The following PAH variants were observed in gnomAD, a reference collection of about 807,000 sequenced individuals.
PAH encodes phenylalanine-4-hydroxylase.
PAH carries 64 observed loss-of-function variants against 62.0 expected under a neutral mutation model. That is an observed-to-expected ratio of 1.03 (90% CI 0.84 to 1.27). The LOEUF is 1.27. Among genes scored for constraint, PAH ranks in the 50% most tolerant of loss-of-function variants. The probability of loss-of-function intolerance (pLI) is 0.00; values close to 1 mark genes in which losing one functional copy is unlikely to be tolerated. For missense variants in PAH, 579 were observed against 542.8 expected, an observed-to-expected ratio of 1.07 and a Z score of -0.66; for synonymous variants, 195 against 196.2, an observed-to-expected ratio of 0.99 and a Z score of 0.05.
intron 1 of PAH, among the ~76,000 whole-genome samples, chr12:102,928,785 C>T (rs1421141073): frequency 6.6e-6 from 1 of 152,116 alleles, no homozygotes; most frequent in Non-Finnish European, 1.5e-5. Context: ...TGGCTGAGGT[C>T]TAGGGCTAAG....
intron 5 of PAH, among the ~76,000 whole-genome samples, chr12:102,860,564 C>A (rs2691046): frequency 0.32 from 47,947 of 152,042 alleles, 8,060 homozygotes; most frequent in Non-Finnish European, 0.38. Flanking sequence ...GGAGGCATCA[C>A]ACTACCTGCC....
chr12:102,893,153 A>C (rs981468874), intron 3 of PAH, among the ~76,000 whole-genome samples: 2 of 152,120 alleles, frequency 1.3e-5, no homozygotes, highest in African/African-American at 4.8e-5. Context: ...TAATCCCAAC[A>C]CTTTGGGAGG....
At chr12:102,953,246 T>C (rs1036000674), upstream of PAH, 4 of 152,252 alleles carry the variant, frequency 2.6e-5, no homozygotes, top group Non-Finnish European at 5.9e-5. Flanking sequence ...CCAAGACTTG[T>C]GTTCATCTTT....
chr12:102,943,061 A>T (rs925131258), intron 1 of PAH, among the ~76,000 whole-genome samples: 1 of 152,154 alleles, frequency 6.6e-6, no homozygotes, highest in Non-Finnish European at 1.5e-5. Context: ...ACAAAAAGAA[A>T]AATTGACAAG....
chr12:102,893,816 C>A (rs939700843), intron 3 of PAH, among the ~76,000 whole-genome samples: 1 of 152,182 alleles, frequency 6.6e-6, no homozygotes, highest in African/African-American at 2.4e-5. Context: ...TGGGACAATG[C>A]AAGTTTTGAC....
intron 1 of PAH, among the ~76,000 whole-genome samples, chr12:102,928,171 G>A (rs1276565178): frequency 6.6e-6 from 1 of 152,030 alleles, no homozygotes; most frequent in Non-Finnish European, 1.5e-5. Context: ...TAATATATGT[G>A]GGTACATAGT....
chr12:102,852,083 C>A (rs74365322), intron 7 of PAH: 4,590 of 333,570 alleles, frequency 0.014, 92 homozygotes, highest in African/African-American at 0.056. Context: ...AGCTATGAGT[C>A]ATGAACACTT....
Position 102,867,910 on chromosome 12 carries a change from CAT to C in PAH, c.442-1249_442-1248del, listed in dbSNP as rs1565854243. On this transcript the variant is annotated intron_variant, in intron 4 of 12. Coordinates refer to ENST00000553106, the MANE Select transcript of PAH (RefSeq NM_000277.3). ...ATATACATATATAGATGTATATATA[CAT>C]GTATATACATATATAGATGTATATA... Among the ~76,000 whole-genome samples, 77 of 137,392 alleles carry C rather than the reference CAT, an allele frequency of 5.6e-4. 4 individuals carry two copies. Among genetic ancestry groups the C allele is most frequent in the African/African-American group, 1.8e-3 (68 of 38,346 alleles). 90.1% of individuals were successfully genotyped at this position (137,392 alleles called of 152,430 possible).
At chr12:102,954,127 C>T (rs983816100), upstream of PAH, among the ~76,000 whole-genome samples, 5 of 152,242 alleles carry the variant, frequency 3.3e-5, no homozygotes, top group African/African-American at 1.2e-4. Context: ...GAAAGCAGGG[C>T]CCAGTGGCTC....
chr12:102,934,736 T>G (rs911424523), intron 1 of PAH, among the ~76,000 whole-genome samples: 1 of 152,152 alleles, frequency 6.6e-6, no homozygotes, highest in African/African-American at 2.4e-5. Context: ...TGCTGGCATA[T>G]AGAAATGCTA....
chr12:102,921,707 C>T (rs977459849), upstream of PAH, among the ~76,000 whole-genome samples: 3 of 152,132 alleles, frequency 2.0e-5, no homozygotes, highest in Non-Finnish European at 4.4e-5. Flanking sequence ...TTGGGGATTT[C>T]TTAGAGGCTT....
Position 102,894,782 on chromosome 12 carries a change from A to G in PAH, c.305T>C (p.Ile102Thr), listed in dbSNP as rs62508591. ...TGAAAGCTCATGGACAGTGGCACCA[A>G]TGTCATGCCTCAAGATCTTGATGAT... ...TNIIKILRHD[I>T]GATVHELSRD... The change falls in exon 3 of 13, where the codon ATT (isoleucine) becomes ACT (threonine). Residue 102 changes from isoleucine (I) to threonine (T), a missense_variant. Physicochemically the swap from Ile to Thr is moderately conservative, Grantham distance 89 (BLOSUM62 -1). Coordinates refer to ENST00000553106, the MANE Select transcript of PAH (RefSeq NM_000277.3). 6.2e-7 allele frequency: 1 copy of G among 1,614,152 alleles called. No individual in the cohort carries two copies. Among genetic ancestry groups the G allele is most frequent in the Middle Eastern group, 1.6e-4 (1 of 6,062 alleles).
chr12:102,933,696 A>G (rs1231391200), intron 1 of PAH, among the ~76,000 whole-genome samples: 3 of 152,174 alleles, frequency 2.0e-5, no homozygotes, highest in Non-Finnish European at 4.4e-5. Flanking sequence ...CCGATGATCA[A>G]TGATATCAAG....
At chr12:102,943,758 G>T (rs370168252) in intron 1 of PAH, among the ~76,000 whole-genome samples, 41 of 152,254 alleles carry the variant, frequency 2.7e-4, no homozygotes, top group African/African-American at 8.7e-4. Flanking sequence ...GTCATTTGCA[G>T]CAACATGGAT....
Position 102,894,704 on chromosome 12 carries a change from A to C in PAH, c.352+31T>G, listed in dbSNP as rs542737289. Reference sequence around the variant, plus strand: ...TATTTTATGAAGACAGTGTGGAGTTACTTATGTTGCAAAATTCCTCTAATT... The same window carrying C: ...TATTTTATGAAGACAGTGTGGAGTTCCTTATGTTGCAAAATTCCTCTAATT... On this transcript the variant is annotated intron_variant, in intron 3 of 12. Coordinates refer to ENST00000553106, the MANE Select transcript of PAH (RefSeq NM_000277.3). The C allele has an allele frequency of 7.9e-5, 122 of 1,544,180 alleles. 1 individual carries two copies. In the South Asian group the frequency reaches 1.3e-3, roughly 17 times the overall value.
intron 1 of PAH, among the ~76,000 whole-genome samples, chr12:102,931,409 C>T (rs142212864): frequency 3.9e-5 from 6 of 152,044 alleles, no homozygotes; most frequent in Non-Finnish European, 8.8e-5. Flanking sequence ...TGGGGGAATG[C>T]GCCACAGATG....
intron 1 of PAH, among the ~76,000 whole-genome samples, chr12:102,932,060 G>A (rs118034965): frequency 0.013 from 1,972 of 152,236 alleles, 27 homozygotes; most frequent in Middle Eastern, 0.027. Context: ...GTTTGAGGTC[G>A]TCAGAGTCTG....
chr12:102,957,568 G>A lies in PAH; in HGVS notation c.-96+627C>T, dbSNP rs1369400863. Reference sequence around the variant, plus strand: ...GGTAAGAGGAGGGGGGGGAGTGGGGGCTGCAGCCGCTCGCTGCAGCAGCGG... The same window carrying A: ...GGTAAGAGGAGGGGGGGGAGTGGGGACTGCAGCCGCTCGCTGCAGCAGCGG... On this transcript the variant is annotated intron_variant, in intron 1 of 4. Transcript: ENST00000551337. This position sits in a 1 kb window ranked among gnomAD's most constrained non-coding sequence, Gnocchi z 4.1. 1 of 144,554 alleles carries A rather than the reference G, an allele frequency of 6.9e-6. No homozygotes were observed. The highest frequency in any genetic ancestry group is 1.5e-5 in the Non-Finnish European group (1 of 65,240). The allele number at this position is 144,554 out of a possible 1,614,324, so 9.0% of individuals were successfully genotyped here.
intron 2 of PAH, among the ~76,000 whole-genome samples, chr12:102,908,303 G>A (rs187679698): frequency 8.6e-5 from 13 of 151,516 alleles, no homozygotes; most frequent in Admixed American, 5.9e-4. Context: ...GTTACTTGTC[G>A]TTTATTTATT....
Sources: gnomAD v4.1 joint callset for allele counts (sites outside exome capture counted in the v4.1 genomes callset) on GRCh38, gnomAD v4.1.1 for gene constraint, Gnocchi (gnomAD v3.1) non-coding constraint, MANE v1.5 for transcripts, NCBI Gene and HGNC (gene_info 2026-07-23, HGNC 2026-07-21) for gene names.